ABCA1: variants seen among roughly 807,000 people sequenced by gnomAD.
ABCA1 encodes phospholipid-transporting ATPase ABCA1.
A neutral mutation model predicts 262.5 loss-of-function variants in ABCA1; 133 were observed. The ratio of observed to expected loss-of-function variants is 0.51; its 90% confidence interval spans 0.44 to 0.59. The LOEUF (loss-of-function observed/expected upper bound fraction) is 0.59. Ranked by LOEUF, ABCA1 falls within the 20% of genes least tolerant of loss-of-function variation. The pLI is 0.00. For synonymous variants in ABCA1, 1,022 were observed against 1,043.5 expected, an observed-to-expected ratio of 0.98 and a Z score of 0.40; for missense variants, 2,452 against 2,777.5, an observed-to-expected ratio of 0.88 and a Z score of 2.63.
At position 104,804,655 on chromosome 9, in the gene ABCA1, C is replaced by A; in HGVS notation, c.4530G>T (p.Val1510=). 6.2e-7 allele frequency: 1 copy of A among 1,614,234 alleles called. No homozygotes were observed. Among genetic ancestry groups the A allele is most frequent in the Non-Finnish European group, 8.5e-7 (1 of 1,180,036 alleles). Residue 1510 remains valine (V), a synonymous_variant, in exon 32 of 50, where the codon GTG becomes GTT. Coordinates refer to ENST00000374736, the MANE Select transcript of ABCA1 (RefSeq NM_005502.4). ...TGGCTATGATCTGCACATACGTCTT[C>A]ACCAGATAATCCGAAATGTTTCTTC... The part of the protein sequence containing the change: ...LTGRNISDYL[V]KTYVQIIAKS...
chr9:104,890,694 G>A (rs909311583), intron 2 of ABCA1, among the ~76,000 whole-genome samples: 8 of 151,822 alleles, frequency 5.3e-5, no homozygotes, highest in Non-Finnish European at 4.4e-5. Flanking sequence ...AAACTCTTGG[G>A]TTCAAGTGAT....
At position 104,806,281 on chromosome 9, in the gene ABCA1, G is replaced by A; in HGVS notation, c.4424C>T (p.Pro1475Leu). ...CCCCCCTGCCCCTGGGGGACACACA[G>A]GCAGCATCTTCTTGATTTTGTCGCT... The part of the protein sequence containing the change: ...CSSDKIKKML[P>L]VCPPGAGGLP... The change falls in exon 31 of 50, where the codon CCT becomes CTT. Residue 1475 changes from proline to leucine, a missense_variant. By Grantham distance (98) the Pro-to-Leu change is moderately conservative (BLOSUM62 -3). Transcript: ENST00000374736. 1 of 1,613,842 alleles carries A rather than the reference G, an allele frequency of 6.2e-7. No homozygotes were observed. Among genetic ancestry groups the A allele is most frequent in the Non-Finnish European group, 8.5e-7 (1 of 1,180,028 alleles).
chr9:104,882,854 C>CA (rs765165707), intron 5 of ABCA1, among the ~76,000 whole-genome samples, 185 bp downstream of exon 5: 1 of 152,190 alleles, frequency 6.6e-6, no homozygotes, highest in Non-Finnish European at 1.5e-5. Context: ...CTGTCTGTGG[C>CA]AACCAGCTCC....
At chr9:104,785,079 C>T (rs1051755350) in intron 49 of ABCA1, among the ~76,000 whole-genome samples, 3 of 152,118 alleles carry the variant, frequency 2.0e-5, no homozygotes, top group African/African-American at 7.2e-5. Flanking sequence ...AGTGTCAGGA[C>T]CTATTTGGTA....
At chr9:104,856,820 C>T (rs1188584744) in intron 7 of ABCA1, among the ~76,000 whole-genome samples, 1 of 152,060 alleles carries the variant, frequency 6.6e-6, no homozygotes, top group Non-Finnish European at 1.5e-5. Flanking sequence ...TGAAGCAGCC[C>T]AAAACAGTCC....
rs201038918 is a variant in ABCA1, at chr9:104,821,329, C to T, written c.2960+46G>A. On this transcript the variant is annotated intron_variant, in intron 20 of 49. Coordinates refer to ENST00000374736, the MANE Select transcript of ABCA1 (RefSeq NM_005502.4). ...ACTCCTCCCATGATGGCATGACACA[C>T]ACACATCCAGAAAAGGCCTATTCTT... 55 of 1,608,852 alleles carry T rather than the reference C, an allele frequency of 3.4e-5. No homozygotes were observed. The African/African-American group carries it at 6.4e-4, about 19-fold the overall frequency.
At chr9:104,803,540 C>G (rs1215996526) in intron 32 of ABCA1, among the ~76,000 whole-genome samples, 4 of 152,168 alleles carry the variant, frequency 2.6e-5, no homozygotes, top group Non-Finnish European at 2.9e-5. Context: ...GAGAACCAGG[C>G]CTTGGGTTAA....
chr9:104,806,109 A>AAAAAAAAC, intron 31 of ABCA1, 132 bp downstream of exon 31: 2 of 1,041,858 alleles, frequency 1.9e-6, no homozygotes, highest in African/African-American at 3.3e-5. Context: ...CGCCTCAGAA[A>AAAAAAAAC]AAAAAACAAA....
chr9:104,794,243 G>A, intron 40 of ABCA1, 144 bp downstream of exon 40: 1 of 1,251,978 alleles, frequency 8.0e-7, no homozygotes, highest in Non-Finnish European at 1.2e-6. Context: ...AGCTGTGTTG[G>A]CATGAGCCCT....
chr9:104,911,599 C>A (rs1841503664), intron 1 of ABCA1, among the ~76,000 whole-genome samples: 1 of 152,200 alleles, frequency 6.6e-6, no homozygotes, highest in African/African-American at 2.4e-5. Context: ...TTTAACTTTT[C>A]TGGCCTCCAG....
intron 14 of ABCA1, among the ~76,000 whole-genome samples, chr9:104,829,485 A>C (rs1262243986): frequency 1.3e-5 from 2 of 152,242 alleles, no homozygotes; most frequent in Non-Finnish European, 2.9e-5. Flanking sequence ...AACATCTCCA[A>C]GGTCATCTCA....
intron 1 of ABCA1, among the ~76,000 whole-genome samples, chr9:104,925,408 T>C (rs1016702902): frequency 4.0e-5 from 6 of 149,784 alleles, no homozygotes; most frequent in African/African-American, 1.2e-4. Context: ...GGGTCCATTA[T>C]AGGCCTGCAC....
chr9:104,823,177 G>A (rs1832522016), intron 18 of ABCA1, among the ~76,000 whole-genome samples: 1 of 152,232 alleles, frequency 6.6e-6, no homozygotes, highest in Admixed American at 6.5e-5. Flanking sequence ...GTTGACAGGT[G>A]TCAGGAACTG....
rs150592023 is a variant in ABCA1 at position 104,814,257 on chromosome 9, T to C, written c.3788-26A>G. ...CTGAAGGCACAAGGAAAGAATCCCA[T>C]ACTTTATTTTATTTACAACAAAACA... On this transcript the variant is annotated intron_variant, in intron 26 of 49. Coordinates refer to ENST00000374736, the MANE Select transcript of ABCA1 (RefSeq NM_005502.4). The C allele has an allele frequency of 3.7e-6, 6 of 1,610,688 alleles. No homozygotes were observed. In the Admixed American group the frequency reaches 8.3e-5, roughly 22 times the overall value.
intron 5 of ABCA1, among the ~76,000 whole-genome samples, chr9:104,876,581 C>G (rs1838188510): frequency 6.6e-6 from 1 of 152,092 alleles, no homozygotes; most frequent in Non-Finnish European, 1.5e-5. Flanking sequence ...GCTAATGAAC[C>G]CATTAGGTAT....
Position 104,858,530 on chromosome 9 carries a change from G to C in ABCA1, c.712C>G (p.Pro238Ala), listed in dbSNP as rs1836048178. Reference sequence around the variant, plus strand: ...TGAGCAAGTCTACTCACCAGGATTGGCTTCAGGATGTCCATGTTGGAACGA... The same window carrying C: ...TGAGCAAGTCTACTCACCAGGATTGCCTTCAGGATGTCCATGTTGGAACGA... ...VLRSNMDILK[P>A]ILRTLNSTSP... Residue 238 changes from proline to alanine, a missense_variant, in exon 7 of 50, where the codon CCA (proline) becomes GCA (alanine). Physicochemically the swap from Pro to Ala is conservative, Grantham distance 27. This residue lies in a region of ABCA1 where 1,032 missense variants were observed against 1,089.7 expected (regional missense o/e 0.95). Transcript: ENST00000374736. 6.2e-6 allele frequency: 10 copies of C among 1,613,684 alleles called. No individual in the cohort carries two copies. The highest frequency in any genetic ancestry group is 5.9e-6 in the Non-Finnish European group (7 of 1,180,040).
At chr9:104,920,369 T>C (rs760078646) in intron 1 of ABCA1, among the ~76,000 whole-genome samples, 48 of 152,234 alleles carry the variant, frequency 3.2e-4, no homozygotes, top group Non-Finnish European at 4.4e-5. Flanking sequence ...GTCTGAATAG[T>C]AATATGAATT....
At chr9:104,862,658 CCG>C (rs1836621705) in intron 5 of ABCA1, among the ~76,000 whole-genome samples, 3 of 5,178 alleles carry the variant, frequency 5.8e-4, no homozygotes, top group Admixed American at 1.1e-3. Context: ...CCGGGCCGGG[CCG>C]GGCCGGGCCG....
At chr9:104,838,782 G>A (rs1474065875) in intron 9 of ABCA1, among the ~76,000 whole-genome samples, 1 of 151,790 alleles carries the variant, frequency 6.6e-6, no homozygotes, top group Non-Finnish European at 1.5e-5. Context: ...TAGATACCAA[G>A]TATCTTCTAT....
Sources: allele counts gnomAD v4.1 joint callset (sites outside exome capture counted in the v4.1 genomes callset), GRCh38; gene constraint gnomAD v4.1.1; regional missense constraint gnomAD v4.1.1; transcripts MANE v1.5; gene names NCBI Gene and HGNC (gene_info 2026-07-23, HGNC 2026-07-21).